Variants in PAGR1 observed in about 807,000 individuals in gnomAD.
PAGR1 encodes the protein PAXIP1 associated glutamate rich protein 1.
PAGR1 carries 20 observed loss-of-function variants against 22.4 expected under a neutral mutation model. The observed-to-expected ratio is 0.89, with a 90% confidence interval of 0.63 to 1.30. The LOEUF (loss-of-function observed/expected upper bound fraction) is 1.30, where lower values mean the gene tolerates loss of function less well. Ranked by LOEUF, PAGR1 falls within the 50% of genes most tolerant of loss-of-function variation. The pLI is 0.00. For synonymous variants in PAGR1, 161 were observed against 148.3 expected, an observed-to-expected ratio of 1.09 and a Z score of -0.62; for missense variants, 338 against 343.6, an observed-to-expected ratio of 0.98 and a Z score of 0.13.
At chr16:29,818,494 A>G (rs1900291789) in intron 2 of PAGR1, 1 of 151,508 alleles carries the variant, frequency 6.6e-6, no homozygotes, top group Non-Finnish European at 1.5e-5. Context: ...GGATAGTTGT[A>G]GTAGCTCCTA....
At position 29,819,740 on chromosome 16, in the gene PAGR1, C is replaced by T. The variant is rs1288878327; in HGVS notation, c.751C>T (p.Gln251Ter). ...CTCCGGGAGTAGTCTCTTCCCTCGG[C>T]AGCGGAAATACTGATTCCCACTGCT... ...RSSGSSLFPR[Q>*]RKY is the part of the protein sequence containing the mutation. Residue 251 changes from glutamine (Q) to a stop codon, truncating the protein, a stop_gained, in exon 3 of 3, where the codon CAG (glutamine) becomes TAG (stop). Coordinates refer to ENST00000320330, the MANE Select transcript of PAGR1 (RefSeq NM_024516.4). LOFTEE classifies it high-confidence loss of function. 6.2e-7 allele frequency: 1 copy of T among 1,611,400 alleles called. No individual in the cohort carries two copies. Among genetic ancestry groups the T allele is most frequent in the Non-Finnish European group, 8.5e-7 (1 of 1,178,286 alleles).
intron 1 of PAGR1, 88 bp from the exon 2 acceptor site, chr16:29,817,122 C>T (rs1900267223): frequency 4.4e-6 from 7 of 1,593,658 alleles, no homozygotes; most frequent in Admixed American, 1.7e-5. Context: ...GGGAAGCCAG[C>T]GGGGGAGGAG....
Position 29,820,578 on chromosome 16 carries a change from C to T in PAGR1, c.*824C>T, listed in dbSNP as rs1351276920. 1 of 152,404 alleles carries T rather than the reference C, an allele frequency of 6.6e-6. No individual in the cohort carries two copies. Among genetic ancestry groups the T allele is most frequent in the Non-Finnish European group, 1.5e-5 (1 of 68,218 alleles). The allele number at this position is 152,404 out of a possible 1,614,324, so 9.4% of individuals were successfully genotyped here. A position where few individuals can be genotyped will look rare whatever the true frequency, so the allele number is the denominator to read the frequency against. On this transcript the variant is annotated 3_prime_UTR_variant, in exon 3 of 3. Coordinates refer to ENST00000320330, the MANE Select transcript of PAGR1 (RefSeq NM_024516.4). The stretch of plus-strand genomic sequence containing the variant: ...AGATCTTTGTATCCCTTGAGGCTCT[C>T]TTTAGTCCTGTCTTGCTTTGAAGGG...
chr16:29,818,841 T>G (rs1900300118), intron 2 of PAGR1, among the ~76,000 whole-genome samples: 1 of 152,206 alleles, frequency 6.6e-6, no homozygotes, highest in Non-Finnish European at 1.5e-5. Context: ...GTGCTGGAAT[T>G]ACAGGCGTGA....
Position 29,816,835 on chromosome 16 carries a change from C to G in PAGR1, c.310C>G (p.Pro104Ala), listed in dbSNP as rs1253450054. 1 of 1,560,496 alleles carries G rather than the reference C, an allele frequency of 6.4e-7. No homozygotes were observed. Among genetic ancestry groups the G allele is most frequent in the African/African-American group, 1.4e-5 (1 of 73,568 alleles). Reference sequence around the variant, plus strand: ...GGTGGAGCTGCCTGCGGATGGGCAGCCCTGGATGCCCCCGCCCTCCGAAAT... The same window carrying G: ...GGTGGAGCTGCCTGCGGATGGGCAGGCCTGGATGCCCCCGCCCTCCGAAAT... ...EEVELPADGQ[P>A]WMPPPSEIQR... Residue 104 changes from proline to alanine, a missense_variant, in exon 1 of 3, where the codon CCC becomes GCC. Around this residue, in one of 3 missense-constraint regions of PAGR1, gnomAD observed 235 missense variants for 216.0 expected, o/e 1.09. Coordinates refer to ENST00000320330, the MANE Select transcript of PAGR1 (RefSeq NM_024516.4).
In PAGR1 at chr16:29,816,663, C is replaced by G. The variant is rs1596898781; in HGVS notation, c.138C>G (p.Ala46=). 2 of 1,580,952 alleles carry G rather than the reference C, an allele frequency of 1.3e-6. No individual in the cohort carries two copies. The highest frequency in any genetic ancestry group is 1.7e-6 in the Non-Finnish European group (2 of 1,162,684). ...GCCCCTCTGCCTCGGCCGGTAAGGC[C>G]GAGGACGAGGGGGAAGGAGGCCGAG... The part of the protein sequence containing the change: ...TGGPSASAGK[A]EDEGEGGREE... The change falls in exon 1 of 3, where the codon GCC becomes GCG. Residue 46 remains alanine (A), a synonymous_variant. Coordinates refer to ENST00000320330, the MANE Select transcript of PAGR1 (RefSeq NM_024516.4).
In PAGR1 at chr16:29,816,634, G is replaced by T; in HGVS notation, c.109G>T (p.Gly37Ter). 6.5e-7 allele frequency: 1 copy of T among 1,539,346 alleles called. No individual in the cohort carries two copies. The highest frequency in any genetic ancestry group is 8.7e-7 in the Non-Finnish European group (1 of 1,146,380). The change falls in exon 1 of 3, where the codon GGA becomes TGA. Residue 37 changes from glycine to a stop codon, truncating the protein, a stop_gained. Coordinates refer to ENST00000320330, the MANE Select transcript of PAGR1 (RefSeq NM_024516.4). LOFTEE classifies it high-confidence loss of function. Reference protein sequence around the residue: ...GLQALAVEDTGGPSASAGKAE... With the variant: ...GLQALAVEDT ...CCAGGCTCTGGCCGTGGAGGATACC[G>T]GAGGCCCCTCTGCCTCGGCCGGTAA...
Position 29,816,979 on chromosome 16 carries a change from C to G in PAGR1, c.454C>G (p.Pro152Ala). The G allele has an allele frequency of 6.4e-7, 1 of 1,568,448 alleles. No homozygotes were observed. The highest frequency in any genetic ancestry group is 8.6e-7 in the Non-Finnish European group (1 of 1,159,118). Residue 152 changes from proline (P) to alanine (A), a missense_variant, in exon 1 of 3, where the codon CCG (proline) becomes GCG (alanine). Physicochemically the swap from Pro to Ala is conservative, Grantham distance 27 (BLOSUM62 -1). Around this residue, in one of 3 missense-constraint regions of PAGR1, gnomAD observed 235 missense variants for 216.0 expected, o/e 1.09. Transcript: ENST00000320330. ...CGAAGAGGAGAGATCCGATGAGGAG[C>G]CGGAGGCCAAAGAAGAGGAAGAGGA... The part of the protein sequence containing the change: ...QSEEERSDEE[P>A]EAKEEEEEKP...
Position 29,816,669 on chromosome 16 carries a change from C to T in PAGR1, c.144C>T (p.Asp48=). 6.3e-7 allele frequency: 1 copy of T among 1,590,984 alleles called. No homozygotes were observed. The change falls in exon 1 of 3, where the codon GAC becomes GAT. Residue 48 remains aspartate (D), a synonymous_variant. Coordinates refer to ENST00000320330, the MANE Select transcript of PAGR1 (RefSeq NM_024516.4). ...GPSASAGKAE[D]EGEGGREETE... ...CTGCCTCGGCCGGTAAGGCCGAGGA[C>T]GAGGGGGAAGGAGGCCGAGAGGAGA...
chr16:29,820,077 T>G lies in PAGR1; in HGVS notation c.*323T>G. Reference sequence around the variant, plus strand: ...ATTCAGAGACCTGGACTGAATTTTCTGAGTCTGAAATAAAAGATGCAGAGC... The same window carrying G: ...ATTCAGAGACCTGGACTGAATTTTCGGAGTCTGAAATAAAAGATGCAGAGC... On this transcript the variant is annotated 3_prime_UTR_variant, in exon 3 of 3. Coordinates refer to ENST00000320330, the MANE Select transcript of PAGR1 (RefSeq NM_024516.4). The G allele has an allele frequency of 3.7e-6, 1 of 268,708 alleles. No individual in the cohort carries two copies. Among genetic ancestry groups the G allele is most frequent in the Non-Finnish European group, 7.1e-6 (1 of 141,496 alleles). The allele number at this position is 268,708 out of a possible 1,614,324, so 16.6% of individuals were successfully genotyped here.
In PAGR1 at chr16:29,817,256, C is replaced by T; in HGVS notation, c.529C>T (p.Pro177Ser). 1 of 1,614,062 alleles carries T rather than the reference C, an allele frequency of 6.2e-7. No individual in the cohort carries two copies. The highest frequency in any genetic ancestry group is 8.5e-7 in the Non-Finnish European group (1 of 1,180,010). Residue 177 changes from proline (P) to serine (S), a missense_variant, in exon 2 of 3, where the codon CCA becomes TCA. This residue lies in a region of PAGR1 where 51 missense variants were observed against 83.1 expected (regional missense o/e 0.61). Coordinates refer to ENST00000320330, the MANE Select transcript of PAGR1 (RefSeq NM_024516.4). Reference sequence around the variant, plus strand: ...TGATTTTGATGATGAGCCAGTGACACCAAAGGACTCCCTGATTGACCGGAG... The same window carrying T: ...TGATTTTGATGATGAGCCAGTGACATCAAAGGACTCCCTGATTGACCGGAG... ...EFDFDDEPVT[P>S]KDSLIDRRRT... is the part of the protein sequence containing the mutation.
intron 2 of PAGR1, 35 bp from the exon 3 acceptor site, chr16:29,819,520 A>G: frequency 5.0e-6 from 8 of 1,611,124 alleles, no homozygotes; most frequent in Non-Finnish European, 5.9e-6. Context: ...CACCACCTCC[A>G]TCCCTTCCAT....
chr16:29,819,271 C>T, intron 2 of PAGR1: 1 of 397,190 alleles, frequency 2.5e-6, no homozygotes, highest in Non-Finnish European at 4.6e-6. Context: ...CCGGCCTGCA[C>T]TCTTCTTTGA....
At chr16:29,817,455 C>T (rs1017727109) in intron 2 of PAGR1, among the ~76,000 whole-genome samples, 163 bp downstream of exon 2, 1 of 149,872 alleles carries the variant, frequency 6.7e-6, no homozygotes, top group African/African-American at 2.5e-5. Flanking sequence ...ACTTAGATTA[C>T]TACCTTGTCT....
chr16:29,819,471 TC>T, intron 2 of PAGR1, 83 bp from the exon 3 acceptor site: 1 of 1,434,500 alleles, frequency 7.0e-7, no homozygotes, highest in Non-Finnish European at 9.7e-7. Flanking sequence ...TTTAACCAGC[TC>T]CCCAAGTGAT....
Position 29,816,612 on chromosome 16 carries a change from G to A in PAGR1, c.87G>A (p.Gln29=). ...SEEGEVTSGL[Q]ALAVEDTGGP... ...AAGGGGAAGTGACCTCCGGCCTCCAGGCTCTGGCCGTGGAGGATACCGGAG... is the reference window on the plus strand; with the variant it reads ...AAGGGGAAGTGACCTCCGGCCTCCAAGCTCTGGCCGTGGAGGATACCGGAG... The change falls in exon 1 of 3, where the codon CAG becomes CAA. Residue 29 remains glutamine (Q), a synonymous_variant. Coordinates refer to ENST00000320330, the MANE Select transcript of PAGR1 (RefSeq NM_024516.4). The A allele has an allele frequency of 6.6e-7, 1 of 1,521,422 alleles. No homozygotes were observed. 94.2% of individuals were successfully genotyped at this position (1,521,422 alleles called of 1,614,324 possible).
chr16:29,816,868 C>T lies in PAGR1; in HGVS notation c.343C>T (p.Leu115Phe), dbSNP rs1900259958. ...WMPPPSEIQR[L>F]YELLAAHGTL... ...GCCCCCGCCCTCCGAAATCCAGCGG[C>T]TCTATGAACTGCTGGCTGCCCACGG... The change falls in exon 1 of 3, where the codon CTC (leucine) becomes TTC (phenylalanine). Residue 115 changes from leucine to phenylalanine, a missense_variant. Coordinates refer to ENST00000320330, the MANE Select transcript of PAGR1 (RefSeq NM_024516.4). The T allele has an allele frequency of 2.6e-6, 4 of 1,564,110 alleles. No homozygotes were observed. The East Asian group carries it at 7.1e-5, about 28-fold the overall frequency.
chr16:29,816,777 C>G lies in PAGR1; in HGVS notation c.252C>G (p.Ser84=). The G allele has an allele frequency of 6.3e-7, 1 of 1,582,056 alleles. No individual in the cohort carries two copies. Among genetic ancestry groups the G allele is most frequent in the South Asian group, 1.1e-5 (1 of 87,836 alleles). ...AGGEEPAEED[S]EDWCVPCSDE... is the part of the protein sequence containing the mutation. ...GAGAAGAGCCTGCCGAGGAGGACTC[C>G]GAGGACTGGTGCGTGCCCTGCAGCG... The change falls in exon 1 of 3, where the codon TCC becomes TCG. Residue 84 remains serine, a synonymous_variant. Transcript: ENST00000320330.
intron 1 of PAGR1, 98 bp downstream of exon 1, chr16:29,817,105 G>A (rs1361869524): frequency 4.4e-6 from 7 of 1,581,772 alleles, no homozygotes; most frequent in Non-Finnish European, 6.0e-6. Flanking sequence ...CTTTGAAAGT[G>A]GAGGGAGGGA....
Sources: allele counts gnomAD v4.1 joint callset (sites outside exome capture counted in the v4.1 genomes callset), GRCh38; gene constraint gnomAD v4.1.1; regional missense constraint gnomAD v4.1.1; transcripts MANE v1.5; gene names NCBI Gene and HGNC (gene_info 2026-07-23, HGNC 2026-07-21).